DACH1: variants seen among roughly 807,000 people sequenced by gnomAD.
The protein encoded by DACH1 is dachshund homolog 1.
DACH1 carries 12 observed loss-of-function variants against 54.2 expected under a neutral mutation model. The observed-to-expected ratio is 0.22, with a 90% CI of 0.14 to 0.36. DACH1 has a LOEUF of 0.36. DACH1 is among the 10% of genes least tolerant of loss of function. The pLI, the probability that DACH1 is intolerant of heterozygous loss-of-function variation, is 1.00. For synonymous variants in DACH1, 386 were observed against 366.2 expected (o/e 1.05, Z -0.62); for missense variants, 805 against 929.8 (o/e 0.87, Z 1.75).
chr13:71,626,613 A>G (rs887543202), intron 3 of DACH1, among the ~76,000 whole-genome samples: 2 of 152,024 alleles, frequency 1.3e-5, no homozygotes, highest in Non-Finnish European at 2.9e-5. Context: ...AATGTAGCTC[A>G]TATCAGCCAA....
intron 6 of DACH1, among the ~76,000 whole-genome samples, chr13:71,515,740 C>T (rs1259101509): frequency 6.6e-6 from 1 of 151,890 alleles, no homozygotes; most frequent in African/African-American, 2.4e-5. Context: ...CCAGTTAGGA[C>T]TTATTCTTGG....
intron 1 of DACH1, among the ~76,000 whole-genome samples, chr13:71,864,267 C>A (rs1874566130): frequency 6.6e-6 from 1 of 151,882 alleles, no homozygotes; most frequent in Non-Finnish European, 1.5e-5. Flanking sequence ...ACCCAAGTCC[C>A]ATGGAAGGAA....
At chr13:71,559,997 A>C (rs1439713664) in intron 4 of DACH1, 42 bp from the exon 5 acceptor site, 1 of 1,448,916 alleles carries the variant, frequency 6.9e-7, no homozygotes, top group Non-Finnish European at 9.1e-7. Flanking sequence ...AAAGATGTTA[A>C]ATACAACGGA....
At chr13:71,486,904 GCA>G (rs1189216086) in intron 7 of DACH1, among the ~76,000 whole-genome samples, 7 of 151,964 alleles carry the variant, frequency 4.6e-5, no homozygotes, top group African/African-American at 1.7e-4. Flanking sequence ...GAGTGTGGTG[GCA>G]CAGTCTCAGC....
rs1025536084 is a variant in DACH1 at position 71,706,130 on chromosome 13, T to C, written c.849-24220A>G. The stretch of plus-strand genomic sequence containing the variant: ...AATAGGATATTTTCTAATGCGAATG[T>C]TACAGAACTCACAATAGAACCCTAT... On this transcript the variant is annotated intron_variant, in intron 1 of 10. Transcript: ENST00000613252. Among the ~76,000 whole-genome samples the C allele has an allele frequency of 2.0e-5, 3 of 152,156 alleles. No homozygotes were observed. In the East Asian group the frequency reaches 5.8e-4, roughly 29 times the overall value.
At chr13:71,814,574 T>C (rs1249447909) in intron 1 of DACH1, among the ~76,000 whole-genome samples, 2 of 152,234 alleles carry the variant, frequency 1.3e-5, no homozygotes, top group Non-Finnish European at 2.9e-5. Context: ...TGAAATTAGA[T>C]TGTAATGGAC....
chr13:71,516,922 T>A, intron 6 of DACH1, among the ~76,000 whole-genome samples: 1 of 43,714 alleles, frequency 2.3e-5, no homozygotes, highest in South Asian at 1.6e-3. Context: ...ACACATATAT[T>A]TTTATGTTTA....
rs182780209 is a variant in DACH1 at position 71,686,681 on chromosome 13, A to T, written c.849-4771T>A. 2.0e-5 allele frequency among the ~76,000 whole-genome samples: 3 copies of T among 152,344 alleles called. No homozygotes were observed. The East Asian group carries it at 5.8e-4, about 29-fold the overall frequency. On this transcript the variant is annotated intron_variant, in intron 1 of 10. Transcript: ENST00000613252. ...TCTCTTCAGTAGTTTTTGAGAAATT[A>T]AGCTTAATTCTCTTTCTAAGAGTTG...
chr13:71,481,337 A>G (rs1487581316), intron 7 of DACH1, among the ~76,000 whole-genome samples: 1 of 152,198 alleles, frequency 6.6e-6, no homozygotes, highest in Admixed American at 6.6e-5. Flanking sequence ...ACAAAACACA[A>G]TATTTTGGTG....
Position 71,654,458 on chromosome 13 carries a change from G to GTAAAGTAAAATAAAATAAAA in DACH1, c.965-23742_965-23741insTTTTATTTTATTTTACTTTA, listed in dbSNP as rs1566409141. Among the ~76,000 whole-genome samples, 12 of 71,288 alleles carry GTAAAGTAAAATAAAATAAAA rather than the reference G, an allele frequency of 1.7e-4. No homozygotes were observed. The South Asian group carries it at 3.8e-3, about 23-fold the overall frequency. The allele number at this position is 71,288 out of a possible 152,430, so 46.8% of individuals were successfully genotyped here. A position where few individuals can be genotyped will look rare whatever the true frequency, so the allele number is the denominator to read the frequency against. Reference sequence around the variant, plus strand: ...ATAAAATAAAATAAAATAAAATAAAGTAAAATAAAATAAAATAAAATAAAA... The same window carrying GTAAAGTAAAATAAAATAAAA: ...ATAAAATAAAATAAAATAAAATAAAGTAAAGTAAAATAAAATAAAATAAAATAAAATAAAATAAAATAAAA... On this transcript the variant is annotated intron_variant, in intron 2 of 10. Coordinates refer to ENST00000613252, the MANE Select transcript of DACH1 (RefSeq NM_080759.6).
intron 2 of DACH1, chr13:71,675,186 T>C: frequency 7.6e-6 from 12 of 1,585,218 alleles, no homozygotes; most frequent in Non-Finnish European, 1.0e-5. Flanking sequence ...AACCTCATCG[T>C]AACAGGCCTG....
Position 71,495,776 on chromosome 13 carries a change from A to C in DACH1, c.1571-6628T>G, listed in dbSNP as rs916532516. 2.6e-5 allele frequency among the ~76,000 whole-genome samples: 4 copies of C among 152,160 alleles called. No individual in the cohort carries two copies. In the South Asian group the frequency reaches 8.3e-4, roughly 32 times the overall value. ...GATTTCTCAAAGAACTAAAAAGAAA[A>C]CTACTATTCGACCCAGCAATACCAC... is the stretch of plus-strand genomic sequence containing the variant. On this transcript the variant is annotated intron_variant, in intron 6 of 10. Coordinates refer to ENST00000613252, the MANE Select transcript of DACH1 (RefSeq NM_080759.6).
chr13:71,779,685 A>G (rs986557546), intron 1 of DACH1, among the ~76,000 whole-genome samples: 2 of 152,156 alleles, frequency 1.3e-5, no homozygotes, highest in African/African-American at 4.8e-5. Flanking sequence ...TGATGGAGAT[A>G]CTTGCTACCT....
chr13:71,463,846 C>T (rs1876323550), intron 10 of DACH1, among the ~76,000 whole-genome samples: 1 of 151,976 alleles, frequency 6.6e-6, no homozygotes, highest in Non-Finnish European at 1.5e-5. Flanking sequence ...TTCCATTCCT[C>T]CTCAGTTCCC....
chr13:71,620,038 G>A (rs1283093736), intron 3 of DACH1, among the ~76,000 whole-genome samples: 1 of 151,830 alleles, frequency 6.6e-6, no homozygotes, highest in Non-Finnish European at 1.5e-5. Flanking sequence ...GATTCAGATT[G>A]CTAAAGAAAA....
chr13:71,779,173 A>ATGTG (rs1348377803), intron 1 of DACH1, among the ~76,000 whole-genome samples: 5 of 131,440 alleles, frequency 3.8e-5, no homozygotes, highest in Non-Finnish European at 8.1e-5. Flanking sequence ...ATACGTATAT[A>ATGTG]TATACACATA....
At chr13:71,681,734 T>C (rs559021245) in intron 2 of DACH1, 61 bp downstream of exon 2, 6 of 1,224,462 alleles carry the variant, frequency 4.9e-6, no homozygotes. Context: ...CAGATATATA[T>C]AAAAGCTACG....
intron 3 of DACH1, among the ~76,000 whole-genome samples, chr13:71,623,585 A>G (rs1876412213): frequency 6.6e-6 from 1 of 151,750 alleles, no homozygotes. Flanking sequence ...CTTGTTTTGG[A>G]ACATGTGGTT....
At chr13:71,566,901 C>T (rs1884924451) in intron 4 of DACH1, among the ~76,000 whole-genome samples, 1 of 152,048 alleles carries the variant, frequency 6.6e-6, no homozygotes, top group Admixed American at 6.6e-5. Flanking sequence ...TATTCTGTAA[C>T]TAAAAACCAA....
Sources: allele counts gnomAD v4.1 joint callset (sites outside exome capture counted in the v4.1 genomes callset), GRCh38; gene constraint gnomAD v4.1.1; transcripts MANE v1.5; gene names NCBI Gene and HGNC (gene_info 2026-07-23, HGNC 2026-07-21).